The following OPTN variants were observed in gnomAD, a reference collection of about 807,000 sequenced individuals.
OPTN encodes optineurin.
OPTN carries 54 observed loss-of-function variants against 70.4 expected under a neutral mutation model. The ratio of observed to expected loss-of-function variants is 0.77; its 90% CI spans 0.62 to 0.96. The LOEUF (loss-of-function observed/expected upper bound fraction) is 0.96. OPTN is among the 40% of genes least tolerant of loss of function. The probability of loss-of-function intolerance (pLI) is 0.00; values close to 1 mark genes in which losing one functional copy is unlikely to be tolerated. For missense variants in OPTN, 624 were observed against 673.2 expected (o/e 0.93, Z 0.81); for synonymous variants, 256 against 248.5 (o/e 1.03, Z -0.28).
chr10:13,108,364 A>G (rs749376810), intron 2 of OPTN, 75 bp downstream of exon 2: 2 of 152,238 alleles, frequency 1.3e-5, no homozygotes, highest in Non-Finnish European at 2.9e-5. Context: ...AGGTTTTAAA[A>G]CAGCTTTTTT....
At chr10:13,123,918 C>A in intron 8 of OPTN, 77 bp from the exon 9 acceptor site, 1 of 1,027,762 alleles carries the variant, frequency 9.7e-7, no homozygotes, top group Non-Finnish European at 1.5e-6. Flanking sequence ...AATGGTTCAG[C>A]CTGTTTTCTC....
intron 14 of OPTN, among the ~76,000 whole-genome samples, chr10:13,136,496 A>T (rs1286415516): frequency 1.0e-5 from 1 of 96,768 alleles, no homozygotes; most frequent in Non-Finnish European, 1.9e-5. Flanking sequence ...TGACAGCGAG[A>T]CTCCGTCTCA....
intron 11 of OPTN, 110 bp from the exon 12 acceptor site, chr10:13,127,635 C>A (rs949490899): frequency 1.8e-5 from 22 of 1,235,594 alleles, no homozygotes; most frequent in Non-Finnish European, 2.4e-5. Flanking sequence ...GCATGAGCCA[C>A]CACACCCGGC....
At chr10:13,111,364 A>G (rs1472133018) in intron 4 of OPTN, among the ~76,000 whole-genome samples, 1 of 152,210 alleles carries the variant, frequency 6.6e-6, no homozygotes, top group Non-Finnish European at 1.5e-5. Flanking sequence ...TTTGAATACA[A>G]TAAAATAATG....
rs17512753 is a variant in OPTN at position 13,122,125 on chromosome 10, A to T, written c.780-260A>T. On this transcript the variant is annotated intron_variant, in intron 7 of 14. Coordinates refer to ENST00000378747, the MANE Select transcript of OPTN (RefSeq NM_001008212.2). Reference sequence around the variant, plus strand: ...TTTCAAAAACATTGCTGCATAGGACAGTTGCATGGAAACAAATGGTGTTCA... The same window carrying T: ...TTTCAAAAACATTGCTGCATAGGACTGTTGCATGGAAACAAATGGTGTTCA... Among the ~76,000 whole-genome samples, 4,205 of 152,336 alleles carry T rather than the reference A, an allele frequency of 0.028. 84 individuals are homozygous for T. Among genetic ancestry groups the T allele is most frequent in the Non-Finnish European group, 0.04 (2,755 of 68,028 alleles).
chr10:13,135,599 G>A (rs1306070795), intron 14 of OPTN, among the ~76,000 whole-genome samples: 1 of 151,738 alleles, frequency 6.6e-6, no homozygotes, highest in Non-Finnish European at 1.5e-5. Flanking sequence ...CTCTCACCTG[G>A]CTTCTCCACC....
chr10:13,116,263 A>T lies in OPTN; in HGVS notation c.553-4A>T, dbSNP rs780500699. 2.5e-6 allele frequency: 4 copies of T among 1,595,050 alleles called. No individual in the cohort carries two copies. The highest frequency in any genetic ancestry group is 3.4e-6 in the Non-Finnish European group (4 of 1,162,944). The stretch of plus-strand genomic sequence containing the variant: ...TTAAATCCCTTGCATTTCTGTTTTC[A>T]CAGGAAGGAGAAGCAGAAGGGTCAG... On this transcript the variant is annotated splice_region_variant and splice_polypyrimidine_tract_variant and intron_variant, in intron 5 of 14. Coordinates refer to ENST00000378747, the MANE Select transcript of OPTN (RefSeq NM_001008212.2).
intron 3 of OPTN, 193 bp downstream of exon 3, chr10:13,109,481 A>C: frequency 1.7e-6 from 1 of 594,808 alleles, no homozygotes; most frequent in South Asian, 2.0e-5. Context: ...AGGTACAAGT[A>C]AAAACTGTGT....
intron 5 of OPTN, among the ~76,000 whole-genome samples, chr10:13,115,588 T>C (rs1349818946): frequency 1.5e-5 from 2 of 133,200 alleles, no homozygotes; most frequent in African/African-American, 5.5e-5. Context: ...ATTACATATA[T>C]AACATTATAT....
chr10:13,121,500 TAAAAAAAAAAAAAA>T (rs200687404), intron 7 of OPTN, among the ~76,000 whole-genome samples: 4 of 90,874 alleles, frequency 4.4e-5, no homozygotes, highest in East Asian at 4.6e-4. Context: ...GATTATCCTG[TAAAAAAAAAAAAAA>T]AAAAAAAAAA....
chr10:13,113,131 C>G (rs897820618), intron 5 of OPTN, among the ~76,000 whole-genome samples: 2 of 152,154 alleles, frequency 1.3e-5, no homozygotes, highest in Non-Finnish European at 2.9e-5. Flanking sequence ...AAGAGATTCT[C>G]GTGCCTCAAC....
intron 7 of OPTN, among the ~76,000 whole-genome samples, chr10:13,120,650 T>C (rs1833327781): frequency 6.6e-6 from 1 of 152,132 alleles, no homozygotes. Flanking sequence ...TTTCTGTGTA[T>C]GTTGTGATAT....
chr10:13,124,182 C>T lies in OPTN; in HGVS notation c.998+72C>T, dbSNP rs1833411604. ...TACAAAGTATACTACTATATAAAAA[C>T]ATAGTTTTTTAACTATGTTATGACT... On this transcript the variant is annotated intron_variant, in intron 9 of 14. Coordinates refer to ENST00000378747, the MANE Select transcript of OPTN (RefSeq NM_001008212.2). 43 of 867,384 alleles carry T rather than the reference C, an allele frequency of 5.0e-5. No individual in the cohort carries two copies. The South Asian group carries it at 6.2e-4, about 12-fold the overall frequency. 53.7% of individuals were successfully genotyped at this position (867,384 alleles called of 1,614,324 possible). A position where few individuals can be genotyped will look rare whatever the true frequency, so the allele number is the denominator to read the frequency against.
At chr10:13,126,230 C>T (rs116281687) in intron 11 of OPTN, among the ~76,000 whole-genome samples, 191 bp downstream of exon 11, 2 of 151,392 alleles carry the variant, frequency 1.3e-5, no homozygotes, top group Admixed American at 6.6e-5. Context: ...TGCTTTATTG[C>T]GTACAAAGAT....
chr10:13,122,427 T>C lies in OPTN; in HGVS notation c.822T>C (p.Ile274=). Residue 274 remains isoleucine (I), a synonymous_variant, in exon 8 of 15, where the codon ATT becomes ATC. Coordinates refer to ENST00000378747, the MANE Select transcript of OPTN (RefSeq NM_001008212.2). ...AGAAAACAAGTAATCGTTCTGAGAT[T>C]GAAACCCAGACAGAGGGGAGCACAG... is the stretch of plus-strand genomic sequence containing the variant. The part of the protein sequence containing the change: ...FEKKTSNRSE[I]ETQTEGSTEK... 1 of 1,614,080 alleles carries C rather than the reference T, an allele frequency of 6.2e-7. No homozygotes were observed. The highest frequency in any genetic ancestry group is 8.5e-7 in the Non-Finnish European group (1 of 1,179,952).
At chr10:13,111,831 T>G (rs1833006346) in intron 4 of OPTN, among the ~76,000 whole-genome samples, 1 of 149,746 alleles carries the variant, frequency 6.7e-6, no homozygotes, top group Admixed American at 6.8e-5. Context: ...TGATTTGTAT[T>G]TGTTTTTTGA....
intron 14 of OPTN, 69 bp from the exon 15 acceptor site, chr10:13,136,676 G>C (rs1833707557): frequency 3.1e-6 from 5 of 1,599,700 alleles, no homozygotes; most frequent in Non-Finnish European, 2.6e-6. Context: ...CTCGCCATCT[G>C]TTCTTCAAGT....
In OPTN at chr10:13,126,095, C is replaced by T. The variant is rs1833454188; in HGVS notation, c.1242+56C>T. 4 of 1,023,158 alleles carry T rather than the reference C, an allele frequency of 3.9e-6. No homozygotes were observed. In the East Asian group the frequency reaches 7.1e-5, roughly 18 times the overall value. 63.4% of individuals were successfully genotyped at this position (1,023,158 alleles called of 1,614,324 possible). On this transcript the variant is annotated intron_variant, in intron 11 of 14. Coordinates refer to ENST00000378747, the MANE Select transcript of OPTN (RefSeq NM_001008212.2). Reference sequence around the variant, plus strand: ...CTAGTAATGAACAGAAACTGTTGAACGTTTTGTATATAAAATAGTTACATG... The same window carrying T: ...CTAGTAATGAACAGAAACTGTTGAATGTTTTGTATATAAAATAGTTACATG...
Position 13,116,461 on chromosome 10 carries a change from G to A in OPTN, c.626+121G>A. ...AGTAACTTCTTTATGATTTATACCA[G>A]GATCTTTCCAGAATATTTGGTTTGA... On this transcript the variant is annotated intron_variant, in intron 6 of 14. Transcript: ENST00000378747. The A allele has an allele frequency of 1.2e-5, 9 of 745,708 alleles. No individual in the cohort carries two copies. In the South Asian group the frequency reaches 1.3e-4, roughly 11 times the overall value. 46.2% of individuals were successfully genotyped at this position (745,708 alleles called of 1,614,324 possible).
Sources: gnomAD v4.1 joint callset for allele counts (sites outside exome capture counted in the v4.1 genomes callset) on GRCh38, gnomAD v4.1.1 for gene constraint, MANE v1.5 for transcripts, NCBI Gene and HGNC (gene_info 2026-07-23, HGNC 2026-07-21) for gene names.